The following PCDHGA11 variants were observed in gnomAD, a reference collection of about 807,000 sequenced individuals.
PCDHGA11 encodes the protein protocadherin gamma subfamily A, 11, also known as protocadherin gamma-A11.
A neutral mutation model predicts 60.4 loss-of-function variants in PCDHGA11; 39 were observed. That is an observed-to-expected ratio of 0.65 (90% CI 0.50 to 0.84). The LOEUF (loss-of-function observed/expected upper bound fraction) is 0.84. Ranked by LOEUF, PCDHGA11 falls within the 40% of genes least tolerant of loss-of-function variation. PCDHGA11 has a pLI of 0.00. For missense variants in PCDHGA11, 1,165 were observed against 1,197.7 expected (o/e 0.97, Z 0.40); for synonymous variants, 533 against 510.3 (o/e 1.04, Z -0.60).
At chr5:141,503,598 C>CTAA (rs2099824827) in intron 2 of PCDHGA11, among the ~76,000 whole-genome samples, 2 of 65,752 alleles carry the variant, frequency 3.0e-5, no homozygotes, top group African/African-American at 9.3e-5. Flanking sequence ...GACTCCAGCT[C>CTAA]AAAAAAAAAA....
At position 141,432,902 on chromosome 5, in the gene PCDHGA11, A is replaced by C. The variant is rs992417865; in HGVS notation, c.2433+9242A>C. The C allele has an allele frequency of 1.2e-6, 2 of 1,614,028 alleles. No homozygotes were observed. The highest frequency in any genetic ancestry group is 2.7e-5 in the African/African-American group (2 of 74,924). On this transcript the variant is annotated intron_variant, in intron 1 of 3. Coordinates refer to ENST00000398587, the MANE Select transcript of PCDHGA11 (RefSeq NM_018914.3). The surrounding 1 kb of genome is among the most constrained non-coding windows in gnomAD (Gnocchi z 6.0). ...CTTCGTCATCTTGCTGCTGGCGCTCAGGCTGCGGCGCTGGCACAAGTCACG... is the reference window on the plus strand; with the variant it reads ...CTTCGTCATCTTGCTGCTGGCGCTCCGGCTGCGGCGCTGGCACAAGTCACG...
intron 1 of PCDHGA11, among the ~76,000 whole-genome samples, chr5:141,482,238 A>G (rs560354311): frequency 8.5e-5 from 13 of 152,304 alleles, no homozygotes; most frequent in African/African-American, 2.9e-4. Context: ...TTGCCAATAT[A>G]AGTATAGTAC....
At chr5:141,461,861 T>C (rs1445632008) in intron 1 of PCDHGA11, among the ~76,000 whole-genome samples, 8 of 152,182 alleles carry the variant, frequency 5.3e-5, no homozygotes, top group Middle Eastern at 3.4e-3. Flanking sequence ...TTTGCTCTTG[T>C]TGCCCAGGCT....
intron 1 of PCDHGA11, among the ~76,000 whole-genome samples, chr5:141,460,804 T>C (rs2098998238): frequency 1.3e-5 from 2 of 152,020 alleles, no homozygotes; most frequent in African/African-American, 4.8e-5. Flanking sequence ...AGTATATATA[T>C]GTATGTATAC....
chr5:141,505,334 G>T, intron 2 of PCDHGA11, 59 bp from the exon 3 acceptor site: 1 of 1,611,326 alleles, frequency 6.2e-7, no homozygotes, highest in Non-Finnish European at 8.5e-7. Context: ...GAGAGGACAG[G>T]AGGGGCATGA....
intron 2 of PCDHGA11, among the ~76,000 whole-genome samples, chr5:141,496,116 C>G (rs1435887981): frequency 6.6e-6 from 1 of 152,178 alleles, no homozygotes; most frequent in Middle Eastern, 3.4e-3. Flanking sequence ...TCTCTTCCTT[C>G]CCTGCCCCTC....
chr5:141,493,289 C>T lies in PCDHGA11; in HGVS notation c.2434-1518C>T, dbSNP rs925045650. 2.6e-5 allele frequency among the ~76,000 whole-genome samples: 4 copies of T among 152,176 alleles called. No individual in the cohort carries two copies. Among genetic ancestry groups the T allele is most frequent in the Non-Finnish European group, 5.9e-5 (4 of 68,030 alleles). On this transcript the variant is annotated intron_variant, in intron 1 of 3. Coordinates refer to ENST00000398587, the MANE Select transcript of PCDHGA11 (RefSeq NM_018914.3). The surrounding 1 kb of genome is among the most constrained non-coding windows in gnomAD (Gnocchi z 4.3). ...CTTCACAGAGGTCAAGTGACTTGCT[C>T]AAGTTCACAGAGCAAGTAAGAGAGA...
At chr5:141,500,450 C>A (rs2099800340) in intron 2 of PCDHGA11, among the ~76,000 whole-genome samples, 1 of 152,072 alleles carries the variant, frequency 6.6e-6, no homozygotes, top group Non-Finnish European at 1.5e-5. Flanking sequence ...ACCTCGTGAT[C>A]CGCCCGCCTC....
chr5:141,467,912 G>A (rs879405529), intron 1 of PCDHGA11, among the ~76,000 whole-genome samples: 1 of 152,086 alleles, frequency 6.6e-6, no homozygotes, highest in Admixed American at 6.6e-5. Context: ...GCCCACCTCA[G>A]CCTCCCAAAA....
intron 1 of PCDHGA11, among the ~76,000 whole-genome samples, chr5:141,480,753 G>A (rs1418880497): frequency 1.3e-5 from 2 of 152,144 alleles, no homozygotes; most frequent in Non-Finnish European, 2.9e-5. Flanking sequence ...ATCATTTTTT[G>A]AAGGTCCCCA....
chr5:141,431,560 C>T lies in PCDHGA11; in HGVS notation c.2433+7900C>T, dbSNP rs751276470. On this transcript the variant is annotated intron_variant, in intron 1 of 3. Coordinates refer to ENST00000398587, the MANE Select transcript of PCDHGA11 (RefSeq NM_018914.3). This position sits in a 1 kb window ranked among gnomAD's most constrained non-coding sequence, Gnocchi z 4.8. ...CGCAGCTGCTTGTAGTCAACGCTAC[C>T]GACCCTGACGAAGGAGTCAATGCGG... The T allele has an allele frequency of 6.2e-7, 1 of 1,614,104 alleles. No individual in the cohort carries two copies. The highest frequency in any genetic ancestry group is 1.7e-5 in the Admixed American group (1 of 60,036).
rs751560177 is a variant in PCDHGA11 at position 141,432,962 on chromosome 5, G to T, written c.2433+9302G>T. 7 of 1,614,092 alleles carry T rather than the reference G, an allele frequency of 4.3e-6. No individual in the cohort carries two copies. The highest frequency in any genetic ancestry group is 5.9e-6 in the Non-Finnish European group (7 of 1,180,046). Reference sequence around the variant, plus strand: ...GGCTTCAGGAGGCGGCTTGACAGGAGCGCCGGCGTCGCACTTTGTGGGCGT... The same window carrying T: ...GGCTTCAGGAGGCGGCTTGACAGGATCGCCGGCGTCGCACTTTGTGGGCGT... On this transcript the variant is annotated intron_variant, in intron 1 of 3. Transcript: ENST00000398587. The surrounding 1 kb of genome is among the most constrained non-coding windows in gnomAD (Gnocchi z 6.0).
At chr5:141,450,355 C>T (rs943649682) in intron 1 of PCDHGA11, among the ~76,000 whole-genome samples, 2 of 152,090 alleles carry the variant, frequency 1.3e-5, no homozygotes, top group Non-Finnish European at 2.9e-5. Context: ...TGAAACAGTT[C>T]CTCAGCCTTG....
At chr5:141,498,352 C>T (rs1439698389) in intron 2 of PCDHGA11, among the ~76,000 whole-genome samples, 1 of 151,772 alleles carries the variant, frequency 6.6e-6, no homozygotes, top group Non-Finnish European at 1.5e-5. Flanking sequence ...AAAGCCTATG[C>T]AAAAGCCTTG....
intron 1 of PCDHGA11, among the ~76,000 whole-genome samples, chr5:141,425,078 G>A (rs1196415752): frequency 3.9e-5 from 6 of 152,112 alleles, no homozygotes; most frequent in Admixed American, 6.5e-5. Flanking sequence ...AATTTCAACT[G>A]TAGGAAAGGC....
chr5:141,460,614 G>A (rs10058360), intron 1 of PCDHGA11, among the ~76,000 whole-genome samples: 42,418 of 151,914 alleles, frequency 0.28, 6,648 homozygotes, highest in African/African-American at 0.43. Flanking sequence ...TAGATGGATA[G>A]ATAGACAGAT....
intron 1 of PCDHGA11, 84 bp from the exon 2 acceptor site, chr5:141,494,723 C>T: frequency 1.9e-6 from 3 of 1,606,114 alleles, no homozygotes; most frequent in Non-Finnish European, 2.6e-6. Flanking sequence ...TCCCCTCCTT[C>T]TCTCCCGGCC....
At chr5:141,468,382 G>T (rs1247387630) in intron 1 of PCDHGA11, 1 of 151,194 alleles carries the variant, frequency 6.6e-6, no homozygotes, top group Non-Finnish European at 1.5e-5. Context: ...GCCATACAAG[G>T]CTACCCATTT....
At chr5:141,457,677 T>C (rs1386991642) in intron 1 of PCDHGA11, among the ~76,000 whole-genome samples, 1 of 152,262 alleles carries the variant, frequency 6.6e-6, no homozygotes, top group Non-Finnish European at 1.5e-5. Flanking sequence ...TATTTCTACA[T>C]AGGACTTTTG....
Sources: gnomAD v4.1 joint callset for allele counts (sites outside exome capture counted in the v4.1 genomes callset) on GRCh38, gnomAD v4.1.1 for gene constraint, Gnocchi (gnomAD v3.1) non-coding constraint, MANE v1.5 for transcripts, NCBI Gene and HGNC (gene_info 2026-07-23, HGNC 2026-07-21) for gene names.